The following ADGRF1 variants were observed in gnomAD, a reference collection of about 807,000 sequenced individuals.
The protein encoded by ADGRF1 is adhesion G protein-coupled receptor F1.
A neutral mutation model predicts 87.2 loss-of-function variants in ADGRF1; 85 were observed. The ratio of observed to expected loss-of-function variants is 0.97; its 90% CI spans 0.82 to 1.17. The LOEUF is 1.17. Ranked by LOEUF, ADGRF1 falls within the 50% of genes most tolerant of loss-of-function variation. The pLI, the probability that ADGRF1 is intolerant of heterozygous loss-of-function variation, is 0.00. For missense variants in ADGRF1, 1,169 were observed against 1,077.2 expected (o/e 1.09, Z -1.19); for synonymous variants, 430 against 408.8 (o/e 1.05, Z -0.63).
intron 7 of ADGRF1, chr6:47,019,923 G>A: frequency 1.0e-6 from 1 of 985,414 alleles, no homozygotes; most frequent in Non-Finnish European, 1.2e-6. Flanking sequence ...TGTAAACAAT[G>A]ACTACTGGGT....
intron 14 of ADGRF1, 151 bp from the exon 15 acceptor site, chr6:47,000,446 A>G: frequency 1.8e-6 from 1 of 559,796 alleles, no homozygotes; most frequent in Non-Finnish European, 3.2e-6. Context: ...GTTGGTGGAG[A>G]GAAATAGCAT....
intron 7 of ADGRF1, 158 bp from the exon 8 acceptor site, chr6:47,016,926 C>A: frequency 2.3e-6 from 2 of 876,894 alleles, no homozygotes; most frequent in East Asian, 3.6e-5. Flanking sequence ...AAACAAGTAT[C>A]CACCAAAAAT....
Position 46,997,857 on chromosome 6 carries a change from G to T in ADGRF1, c.*2365C>A, listed in dbSNP as rs1779256786. The T allele has an allele frequency of 6.6e-6, 1 of 152,124 alleles. No individual in the cohort carries two copies. Among genetic ancestry groups the T allele is most frequent in the African/African-American group, 2.4e-5 (1 of 41,428 alleles). 9.4% of individuals were successfully genotyped at this position (152,124 alleles called of 1,614,324 possible). On this transcript the variant is annotated 3_prime_UTR_variant, in exon 15 of 15. Transcript: ENST00000371253. The stretch of plus-strand genomic sequence containing the variant: ...TCCTCATAAAATTTATTCAGTGGGA[G>T]AAGCTTTTTCTTCCATCAGATACAT...
At chr6:47,015,770 G>A (rs1435137011) in intron 8 of ADGRF1, among the ~76,000 whole-genome samples, 2 of 118,406 alleles carry the variant, frequency 1.7e-5, no homozygotes, top group Admixed American at 8.8e-5. Flanking sequence ...TTTTTTTTTT[G>A]TATTTTTAGT....
chr6:47,012,913 G>A, intron 9 of ADGRF1: 1 of 558,774 alleles, frequency 1.8e-6, no homozygotes, highest in Non-Finnish European at 2.3e-6. Flanking sequence ...GGGATTACCG[G>A]CATGCACCAC....
intron 7 of ADGRF1, chr6:47,017,327 C>T (rs954190797): frequency 3.9e-5 from 6 of 152,114 alleles, no homozygotes; most frequent in Non-Finnish European, 7.3e-5. Context: ...AAGGTAGTGG[C>T]ATCATAAGAT....
At chr6:47,008,001 A>C (rs1416935479) in intron 11 of ADGRF1, among the ~76,000 whole-genome samples, 1 of 152,238 alleles carries the variant, frequency 6.6e-6, no homozygotes, top group African/African-American at 2.4e-5. Context: ...TATGTGCCAG[A>C]CAATGCGATA....
chr6:47,021,884 T>A, intron 6 of ADGRF1, 74 bp downstream of exon 6: 1 of 799,522 alleles, frequency 1.3e-6, no homozygotes, highest in Non-Finnish European at 2.1e-6. Context: ...GTATTAAATA[T>A]ACATGCTGAA....
At chr6:47,016,404 C>G (rs1437416800) in intron 8 of ADGRF1, among the ~76,000 whole-genome samples, 1 of 152,150 alleles carries the variant, frequency 6.6e-6, no homozygotes, top group Non-Finnish European at 1.5e-5. Flanking sequence ...CTAAGAGGTA[C>G]AGATCAGATT....
chr6:47,019,199 A>G (rs1198788502), intron 7 of ADGRF1: 1 of 719,842 alleles, frequency 1.4e-6, no homozygotes, highest in Admixed American at 6.3e-5. Flanking sequence ...AATATAAATT[A>G]GAAGTATAAA....
intron 10 of ADGRF1, 97 bp from the exon 11 acceptor site, chr6:47,010,415 C>G: frequency 9.8e-7 from 1 of 1,021,312 alleles, no homozygotes; most frequent in Non-Finnish European, 1.4e-6. Context: ...GGAAAAATGC[C>G]CAGAGAATTG....
intron 1 of ADGRF1, among the ~76,000 whole-genome samples, chr6:47,031,351 GTCTCTCTCTCTCTCTC>G (rs374462680): frequency 1.8e-5 from 2 of 110,776 alleles, no homozygotes; most frequent in East Asian, 2.6e-4. Context: ...CTCTCTCTCT[GTCTCTCTCTCTCTCTC>G]TCTCTCTCTC....
In ADGRF1 at chr6:47,009,686, G is replaced by A. The variant is rs754588369; in HGVS notation, c.1749C>T (p.Pro583=). ...MSPFVPSTIF[P]VVKWITYVGL... ...CCACATAGGTGATCCATTTTACAAC[G>A]GGGAAGATTGTAGAGGGGACAAAAG... The change falls in exon 11 of 15, where the codon CCC becomes CCT. Residue 583 remains proline, a synonymous_variant. Transcript: ENST00000371253. The A allele has an allele frequency of 6.6e-5, 106 of 1,614,022 alleles. No individual in the cohort carries two copies. The highest frequency in any genetic ancestry group is 8.4e-5 in the Non-Finnish European group (99 of 1,180,030).
At chr6:47,004,008 C>T (rs1779439081) in intron 13 of ADGRF1, among the ~76,000 whole-genome samples, 1 of 152,096 alleles carries the variant, frequency 6.6e-6, no homozygotes, top group South Asian at 2.1e-4. Context: ...CTCTGTCTTC[C>T]CAGGAGTCCT....
intron 10 of ADGRF1, among the ~76,000 whole-genome samples, chr6:47,011,678 A>C (rs1779711467): frequency 6.6e-6 from 1 of 152,234 alleles, no homozygotes; most frequent in Admixed American, 6.5e-5. Flanking sequence ...ACACTGTTCA[A>C]GTCTGAGCTT....
At position 47,009,507 on chromosome 6, in the gene ADGRF1, A is replaced by T. The variant is rs753139873; in HGVS notation, c.1928T>A (p.Val643Asp). 6.2e-7 allele frequency: 1 copy of T among 1,613,976 alleles called. No individual in the cohort carries two copies. Among genetic ancestry groups the T allele is most frequent in the African/African-American group, 1.3e-5 (1 of 74,948 alleles). Reference sequence around the variant, plus strand: ...CACCGTGGTGTCCACTGTGGCACCAACAATAAACCAGACATCAGCAATCAA... The same window carrying T: ...CACCGTGGTGTCCACTGTGGCACCATCAATAAACCAGACATCAGCAATCAA... ...SLLIADVWFI[V>D]GATVDTTVNP... Residue 643 changes from valine (V) to aspartate (D), a missense_variant, in exon 11 of 15, where the codon GTT becomes GAT. By Grantham distance (152) the Val-to-Asp change is radical. Coordinates refer to ENST00000371253, the MANE Select transcript of ADGRF1 (RefSeq NM_153840.4).
intron 1 of ADGRF1, 95 bp downstream of exon 1, chr6:47,042,096 T>G (rs1050179639): frequency 1.2e-4 from 18 of 152,212 alleles, no homozygotes; most frequent in Non-Finnish European, 2.5e-4. Context: ...CAGAATTTTT[T>G]TTTCAAGGAG....
Position 47,009,371 on chromosome 6 carries a change from G to T in ADGRF1, c.2064C>A (p.Leu688=). The change falls in exon 11 of 15, where the codon CTC becomes CTA. Residue 688 remains leucine, a synonymous_variant. Transcript: ENST00000371253. ...AATGCTGGGCCATGTGATGGAACAC[G>T]AGGATGATCCGGTAAGCCAGCAGGA... ...LGILLAYRII[L]VFHHMAQHLM... The T allele has an allele frequency of 6.2e-7, 1 of 1,614,096 alleles. No homozygotes were observed. Among genetic ancestry groups the T allele is most frequent in the Non-Finnish European group, 8.5e-7 (1 of 1,180,006 alleles).
intron 1 of ADGRF1, among the ~76,000 whole-genome samples, chr6:47,041,188 A>G (rs1215298316): frequency 6.6e-6 from 1 of 152,252 alleles, no homozygotes; most frequent in African/African-American, 2.4e-5. Flanking sequence ...TGGGACCATT[A>G]TTAGAACACT....
Sources: allele counts gnomAD v4.1 joint callset (sites outside exome capture counted in the v4.1 genomes callset), GRCh38; gene constraint gnomAD v4.1.1; transcripts MANE v1.5; gene names NCBI Gene and HGNC (gene_info 2026-07-23, HGNC 2026-07-21).